The following SYT9 variants were observed in gnomAD, a reference collection of about 807,000 sequenced individuals.
SYT9 encodes synaptotagmin-9.
Under a neutral mutation model 48.4 loss-of-function variants are expected in SYT9, and 22 were observed. That is an observed-to-expected ratio of 0.45 (90% CI 0.32 to 0.65). The LOEUF (loss-of-function observed/expected upper bound fraction) is 0.65. Ranked by LOEUF, SYT9 falls within the 30% of genes least tolerant of loss-of-function variation. The probability of loss-of-function intolerance (pLI) is 0.03; values close to 1 mark genes in which losing one functional copy is unlikely to be tolerated. For missense variants in SYT9, 577 were observed against 622.0 expected (o/e 0.93, Z 0.77); for synonymous variants, 265 against 245.0 (o/e 1.08, Z -0.76).
chr11:7,430,537 T>C (rs1177486212), intron 6 of SYT9, among the ~76,000 whole-genome samples: 1 of 152,218 alleles, frequency 6.6e-6, no homozygotes, highest in Non-Finnish European at 1.5e-5. Flanking sequence ...TAAAGTTTAC[T>C]AAAGAGCGGT....
chr11:7,295,573 C>T (rs1848785795), intron 1 of SYT9, among the ~76,000 whole-genome samples: 1 of 152,236 alleles, frequency 6.6e-6, no homozygotes, highest in Non-Finnish European at 1.5e-5. Context: ...ACCAGAATTG[C>T]TCTTAATGGT....
At chr11:7,450,502 C>T (rs1848027742) in intron 6 of SYT9, 1 of 152,214 alleles carries the variant, frequency 6.6e-6, no homozygotes, top group African/African-American at 2.4e-5. Context: ...CAGCCAACCA[C>T]AAACTCATCA....
intron 3 of SYT9, among the ~76,000 whole-genome samples, chr11:7,318,878 C>T (rs1849287974): frequency 6.6e-6 from 1 of 152,120 alleles, no homozygotes; most frequent in Non-Finnish European, 1.5e-5. Flanking sequence ...GATAATATTT[C>T]ATTTAGCATT....
chr11:7,272,309 G>A (rs936235099), intron 1 of SYT9, among the ~76,000 whole-genome samples: 2 of 151,958 alleles, frequency 1.3e-5, no homozygotes, highest in South Asian at 2.1e-4. Flanking sequence ...CACAAAAATC[G>A]GCATAACTGA....
chr11:7,375,846 C>T (rs1445689206), intron 3 of SYT9, among the ~76,000 whole-genome samples: 1 of 152,006 alleles, frequency 6.6e-6, no homozygotes, highest in Non-Finnish European at 1.5e-5. Flanking sequence ...ACTCTAGCCA[C>T]ACTAGCCTCC....
chr11:7,408,897 T>C (rs2346832), intron 3 of SYT9, among the ~76,000 whole-genome samples: 34,683 of 152,068 alleles, frequency 0.23, 4,443 homozygotes, highest in East Asian at 0.49. Context: ...ATGATTGCTC[T>C]GGCTAAGATT....
chr11:7,252,654 T>C lies in SYT9; in HGVS notation c.145+323T>C, dbSNP rs925922865. Among the ~76,000 whole-genome samples, 2 of 152,176 alleles carry C rather than the reference T, an allele frequency of 1.3e-5. No individual in the cohort carries two copies. The highest frequency in any genetic ancestry group is 2.9e-5 in the Non-Finnish European group (2 of 68,024). On this transcript the variant is annotated intron_variant, in intron 1 of 6. Coordinates refer to ENST00000318881, the MANE Select transcript of SYT9 (RefSeq NM_175733.4). The surrounding 1 kb of genome is among the most constrained non-coding windows in gnomAD (Gnocchi z 6.3). ...GAGCTACGCTCTCCACTTCCCGGGC[T>C]ATCTGCACTCAGAGCGAGGGGAGGC... is the stretch of plus-strand genomic sequence containing the variant.
At chr11:7,333,369 C>T (rs1564866069) in intron 3 of SYT9, among the ~76,000 whole-genome samples, 1 of 152,162 alleles carries the variant, frequency 6.6e-6, no homozygotes, top group Non-Finnish European at 1.5e-5. Flanking sequence ...GTCAGTCTGC[C>T]TTCAGCAAGG....
rs184926725 is a variant in SYT9 at position 7,397,438 on chromosome 11, T to G, written c.1045-18604T>G. Among the ~76,000 whole-genome samples, 28 of 152,294 alleles carry G rather than the reference T, an allele frequency of 1.8e-4. No homozygotes were observed. The East Asian group carries it at 1.9e-3, about 10-fold the overall frequency. On this transcript the variant is annotated intron_variant, in intron 3 of 6. Transcript: ENST00000318881. Reference sequence around the variant, plus strand: ...TTGATTAATGTAGTTTTATTCTAAATCTCATAATCCAGTAGTGTTAAGTCT... The same window carrying G: ...TTGATTAATGTAGTTTTATTCTAAAGCTCATAATCCAGTAGTGTTAAGTCT...
At chr11:7,409,214 C>T (rs1171667012) in intron 3 of SYT9, among the ~76,000 whole-genome samples, 1 of 152,000 alleles carries the variant, frequency 6.6e-6, no homozygotes, top group Non-Finnish European at 1.5e-5. Context: ...TATTGATTTG[C>T]ATATGTTGAG....
In SYT9 at chr11:7,398,377, G is replaced by A. The variant is rs1393847736; in HGVS notation, c.1045-17665G>A. Among the ~76,000 whole-genome samples, 3 of 150,662 alleles carry A rather than the reference G, an allele frequency of 2.0e-5. No homozygotes were observed. The East Asian group carries it at 5.8e-4, about 29-fold the overall frequency. On this transcript the variant is annotated intron_variant, in intron 3 of 6. Coordinates refer to ENST00000318881, the MANE Select transcript of SYT9 (RefSeq NM_175733.4). ...AATGTTACTAAGGTTAATTATATCT[G>A]TGTCCATGAGGATACTGATCTACAG...
At chr11:7,418,191 G>T in intron 5 of SYT9, 63 bp downstream of exon 5, 3 of 1,554,734 alleles carry the variant, frequency 1.9e-6, no homozygotes, top group South Asian at 1.2e-5. Flanking sequence ...GAAGGCAGAG[G>T]GGGAGCAGCA....
chr11:7,324,962 T>C (rs1849403832), intron 3 of SYT9, among the ~76,000 whole-genome samples: 1 of 152,180 alleles, frequency 6.6e-6, no homozygotes, highest in African/African-American at 2.4e-5. Context: ...ATTTCATCTT[T>C]AGTTCTATCA....
intron 6 of SYT9, among the ~76,000 whole-genome samples, chr11:7,432,455 G>T (rs1847593242): frequency 6.7e-6 from 1 of 148,518 alleles, no homozygotes; most frequent in Non-Finnish European, 1.5e-5. Flanking sequence ...GCTGAGGCAG[G>T]AGAATAGCTT....
At chr11:7,404,137 TA>T (rs1346719402) in intron 3 of SYT9, among the ~76,000 whole-genome samples, 2 of 152,146 alleles carry the variant, frequency 1.3e-5, no homozygotes, top group African/African-American at 4.8e-5. Flanking sequence ...TTATTAGTGT[TA>T]ATTATTTTTA....
chr11:7,347,187 G>T (rs1368873275), intron 3 of SYT9, among the ~76,000 whole-genome samples: 1 of 152,116 alleles, frequency 6.6e-6, no homozygotes. Context: ...AAGAGAAGCT[G>T]GGACTTATCA....
chr11:7,264,557 G>A (rs1055045695), intron 1 of SYT9, among the ~76,000 whole-genome samples: 3 of 152,110 alleles, frequency 2.0e-5, no homozygotes, highest in African/African-American at 7.2e-5. Context: ...TAGTGAAGAC[G>A]TGGTAGGATT....
At chr11:7,329,155 TC>T (rs1198834316) in intron 3 of SYT9, among the ~76,000 whole-genome samples, 1 of 152,230 alleles carries the variant, frequency 6.6e-6, no homozygotes, top group Non-Finnish European at 1.5e-5. Context: ...TTCTATCTTT[TC>T]CTCCTGGAAA....
chr11:7,423,802 G>T (rs1172484276), intron 6 of SYT9, among the ~76,000 whole-genome samples: 1 of 152,150 alleles, frequency 6.6e-6, no homozygotes, highest in African/African-American at 2.4e-5. Flanking sequence ...CCAGTACTTG[G>T]CTAAACACAG....
Sources: gnomAD v4.1 joint callset for allele counts (sites outside exome capture counted in the v4.1 genomes callset) on GRCh38, gnomAD v4.1.1 for gene constraint, Gnocchi (gnomAD v3.1) non-coding constraint, MANE v1.5 for transcripts, NCBI Gene and HGNC (gene_info 2026-07-23, HGNC 2026-07-21) for gene names.